ASXL1: variants seen among roughly 807,000 people sequenced by gnomAD.
ASXL1 encodes the protein polycomb group protein ASXL1.
A neutral mutation model predicts 89.1 loss-of-function variants in ASXL1; 65 were observed. The ratio of observed to expected loss-of-function variants is 0.73; its 90% confidence interval spans 0.60 to 0.90. The LOEUF (loss-of-function observed/expected upper bound fraction) is 0.90. Among genes scored for constraint, ASXL1 ranks in the 40% least tolerant of loss-of-function variants. The probability of loss-of-function intolerance (pLI) is 0.00; values close to 1 mark genes in which losing one functional copy is unlikely to be tolerated. For missense variants in ASXL1, 1,786 were observed against 1,942.9 expected (o/e 0.92, Z 1.52); for synonymous variants, 739 against 746.9 (o/e 0.99, Z 0.17).
intron 1 of ASXL1, chr20:32,359,680 C>T (rs943770675): frequency 4.2e-6 from 3 of 717,656 alleles, no homozygotes; most frequent in African/African-American, 3.5e-5. Context: ...TGTTGGGAGA[C>T]GTTGTTCACT....
intron 12 of ASXL1, 108 bp downstream of exon 12, chr20:32,434,025 G>A (rs2011632569): frequency 1.4e-6 from 2 of 1,475,130 alleles, no homozygotes; most frequent in African/African-American, 1.4e-5. Context: ...ATGTGGGAAT[G>A]TAGAGCTTTT....
intron 8 of ASXL1, chr20:32,430,629 C>G (rs1263826497): frequency 4.5e-6 from 1 of 220,506 alleles, no homozygotes; most frequent in Non-Finnish European, 9.1e-6. Context: ...TAATGACCCA[C>G]ATGCTGGTTT....
At chr20:32,388,248 C>T (rs772350345) in intron 4 of ASXL1, among the ~76,000 whole-genome samples, 5 of 152,164 alleles carry the variant, frequency 3.3e-5, no homozygotes, top group African/African-American at 1.2e-4. Flanking sequence ...GATCTTGGCT[C>T]ACTGCAACCT....
intron 1 of ASXL1, among the ~76,000 whole-genome samples, chr20:32,362,359 G>C (rs1003086711): frequency 6.6e-6 from 1 of 152,194 alleles, no homozygotes; most frequent in Non-Finnish European, 1.5e-5. Flanking sequence ...TTTGTAGGCT[G>C]TGCGCGGTGG....
chr20:32,361,561 T>C (rs141962272), intron 1 of ASXL1, among the ~76,000 whole-genome samples: 1,920 of 138,086 alleles, frequency 0.014, 15 homozygotes, highest in Non-Finnish European at 0.021. Flanking sequence ...TCACTTGAAC[T>C]TGGGAGGTGG....
At chr20:32,367,925 A>G (rs948968094) in intron 3 of ASXL1, among the ~76,000 whole-genome samples, 196 bp downstream of exon 3, 1 of 152,242 alleles carries the variant, frequency 6.6e-6, no homozygotes, top group Non-Finnish European at 1.5e-5. Flanking sequence ...CAGAGATGCT[A>G]GCACACCCAC....
intron 4 of ASXL1, among the ~76,000 whole-genome samples, chr20:32,375,265 C>T (rs545578320): frequency 1.1e-4 from 16 of 151,974 alleles, no homozygotes; most frequent in South Asian, 6.2e-4. Context: ...CAGGAGTTCG[C>T]GGCAAAACCC....
intron 4 of ASXL1, among the ~76,000 whole-genome samples, chr20:32,395,296 GT>G (rs1219856948): frequency 6.6e-6 from 1 of 151,950 alleles, no homozygotes; most frequent in Non-Finnish European, 1.5e-5. Context: ...AGGTTGACAG[GT>G]TTTTTTCATT....
Position 32,436,373 on chromosome 20 carries a change from A to G in ASXL1, c.3661A>G (p.Thr1221Ala). Residue 1221 changes from threonine (T) to alanine (A), a missense_variant, in exon 13 of 13, where the codon ACA becomes GCA. By Grantham distance (58) the Thr-to-Ala change is moderately conservative. Transcript: ENST00000375687. ...CCTCCATCCAGTGACAAATCCCATT[A>G]CATCCTCTAGGAAACTGGAAGAAAT... ...DSLHPVTNPI[T>A]SSRKLEEMDS... 6.2e-7 allele frequency: 1 copy of G among 1,613,718 alleles called. No homozygotes were observed. The highest frequency in any genetic ancestry group is 1.3e-5 in the African/African-American group (1 of 75,046).
intron 4 of ASXL1, chr20:32,371,681 C>T: frequency 2.5e-6 from 1 of 393,028 alleles, no homozygotes; most frequent in Non-Finnish European, 5.2e-6. Context: ...TCATAGCTCA[C>T]CGTAGCCTTG....
chr20:32,386,292 T>C (rs929455714), intron 4 of ASXL1, among the ~76,000 whole-genome samples: 2 of 152,206 alleles, frequency 1.3e-5, no homozygotes, highest in Non-Finnish European at 2.9e-5. Context: ...TAGTAATTTT[T>C]AGTGTCAACA....
At chr20:32,366,875 A>G (rs1425468615) in intron 2 of ASXL1, among the ~76,000 whole-genome samples, 1 of 152,170 alleles carries the variant, frequency 6.6e-6, no homozygotes, top group East Asian at 1.9e-4. Flanking sequence ...GGTCTCATCA[A>G]CATAAAAAAC....
chr20:32,375,388 G>A (rs1355800284), intron 4 of ASXL1, among the ~76,000 whole-genome samples: 5 of 151,590 alleles, frequency 3.3e-5, no homozygotes, highest in Admixed American at 2.6e-4. Context: ...GGCAGAGGCT[G>A]CAGTGAGCCG....
chr20:32,437,215 C>T lies in ASXL1; in HGVS notation c.4503C>T (p.Ser1501=), dbSNP rs767152732. 3.1e-6 allele frequency: 5 copies of T among 1,613,474 alleles called. No homozygotes were observed. The highest frequency in any genetic ancestry group is 1.7e-5 in the Admixed American group (1 of 59,998). ...QMFTDSSTVE[S]ISLQCACSLK... is the part of the protein sequence containing the mutation. ...TCACTGACAGCAGCACGGTGGAAAG[C>T]ATCTCGCTCCAGTGTGCGTGCAGCC... Residue 1501 remains serine, a synonymous_variant, in exon 13 of 13, where the codon AGC becomes AGT. Coordinates refer to ENST00000375687, the MANE Select transcript of ASXL1 (RefSeq NM_015338.6).
At chr20:32,433,983 G>C (rs1474864063) in intron 12 of ASXL1, 66 bp downstream of exon 12, 1 of 1,593,526 alleles carries the variant, frequency 6.3e-7, no homozygotes, top group Non-Finnish European at 8.6e-7. Context: ...TGAGATTATA[G>C]AGCCCTTAAC....
intron 4 of ASXL1, chr20:32,372,483 CTG>C (rs1236748222): frequency 5.4e-6 from 5 of 930,864 alleles, no homozygotes. Flanking sequence ...AGAGCAGAGT[CTG>C]TATTTTATTA....
At chr20:32,388,527 G>A (rs149569394) in intron 4 of ASXL1, among the ~76,000 whole-genome samples, 98 of 152,222 alleles carry the variant, frequency 6.4e-4, no homozygotes, top group African/African-American at 2.4e-3. Context: ...CTTTAATTTG[G>A]TAATATAGTG....
At chr20:32,380,368 G>T (rs1406214822) in intron 4 of ASXL1, among the ~76,000 whole-genome samples, 1 of 152,182 alleles carries the variant, frequency 6.6e-6, no homozygotes, top group Non-Finnish European at 1.5e-5. Context: ...AGCAGTGGAG[G>T]AAGAGAGTGA....
rs1343179650 is a variant in ASXL1 at position 32,426,543 on chromosome 20, TTTTTTTCTTTC to T, written c.253-1578_253-1568del. Among the ~76,000 whole-genome samples the T allele has an allele frequency of 4.4e-4, 44 of 100,580 alleles. 7 individuals are homozygous for T. Among genetic ancestry groups the T allele is most frequent in the East Asian group, 3.5e-3 (7 of 1,992 alleles). 66.0% of individuals were successfully genotyped at this position (100,580 alleles called of 152,430 possible). Reference sequence around the variant, plus strand: ...GTAAAGATGTAGAAAACTGTTTTCTTTTTTTTCTTTCTTTTTTTTTTTTTTTTTTTTTTTTG... The same window carrying T: ...GTAAAGATGTAGAAAACTGTTTTCTTTTTTTTTTTTTTTTTTTTTTTTTTG... On this transcript the variant is annotated intron_variant, in intron 4 of 12. Coordinates refer to ENST00000375687, the MANE Select transcript of ASXL1 (RefSeq NM_015338.6).
Sources: allele counts gnomAD v4.1 joint callset (sites outside exome capture counted in the v4.1 genomes callset), GRCh38; gene constraint gnomAD v4.1.1; transcripts MANE v1.5; gene names NCBI Gene and HGNC (gene_info 2026-07-23, HGNC 2026-07-21).